EGF: variants seen among roughly 807,000 people sequenced by gnomAD.
EGF encodes pro-epidermal growth factor.
Under a neutral mutation model 143.8 loss-of-function variants are expected in EGF, and 95 were observed. The observed-to-expected ratio is 0.66, with a 90% CI of 0.56 to 0.78. The LOEUF (loss-of-function observed/expected upper bound fraction) is 0.78, where lower values mean the gene tolerates loss of function less well. Ranked by LOEUF, EGF falls within the 30% of genes least tolerant of loss-of-function variation. The probability of loss-of-function intolerance (pLI) is 0.00; values close to 1 mark genes in which losing one functional copy is unlikely to be tolerated. For synonymous variants in EGF, 510 were observed against 510.5 expected, an observed-to-expected ratio of 1.00 and a Z score of 0.01; for missense variants, 1,320 against 1,470.9, an observed-to-expected ratio of 0.90 and a Z score of 1.68.
chr4:109,997,608 C>T (rs191725792), intron 20 of EGF, among the ~76,000 whole-genome samples: 6 of 152,248 alleles, frequency 3.9e-5, no homozygotes, highest in Non-Finnish European at 7.4e-5. Context: ...ACTACAGGCA[C>T]CTGCCACCAT....
intron 16 of EGF, among the ~76,000 whole-genome samples, chr4:109,987,447 A>T (rs910421512): frequency 6.6e-6 from 1 of 152,020 alleles, no homozygotes; most frequent in African/African-American, 2.4e-5. Flanking sequence ...ACCAGTTTTC[A>T]GTAGAGACAG....
In EGF at chr4:109,976,128, T is replaced by C. The variant is rs1411459152; in HGVS notation, c.1946T>C (p.Ile649Thr). 4.3e-6 allele frequency: 7 copies of C among 1,614,196 alleles called. No individual in the cohort carries two copies. Among genetic ancestry groups the C allele is most frequent in the Non-Finnish European group, 5.1e-6 (6 of 1,180,010 alleles). Residue 649 changes from isoleucine (I) to threonine (T), a missense_variant, in exon 13 of 24, where the codon ATT becomes ACT. Coordinates refer to ENST00000265171, the MANE Select transcript of EGF (RefSeq NM_001963.6). Reference protein sequence around the residue: ...SDLIWPSGITIDFLTDKLYWC... With the variant: ...SDLIWPSGITTDFLTDKLYWC... ...CTAATCTGGCCCAGTGGAATAACGA[T>C]TGACTTCTTAACTGACAAGTTGTAC...
At position 109,999,833 on chromosome 4, in the gene EGF, G is replaced by A. The variant is rs1232482145; in HGVS notation, c.3160G>A (p.Ala1054Thr). ...VMLLLLSLWG[A>T]HYYRTQKLLS... is the part of the protein sequence containing the mutation. ...GCTGCTCCTCCTGAGCCTGTGGGGG[G>A]CCCACTACTACAGGTGACCCTGTCT... Residue 1054 changes from alanine (A) to threonine (T), a missense_variant, in exon 21 of 24, where the codon GCC becomes ACC. Around this residue, in one of 5 missense-constraint regions of EGF, gnomAD observed 1,186 missense variants for 1,313.7 expected, o/e 0.90. Transcript: ENST00000265171. The A allele has an allele frequency of 3.1e-6, 5 of 1,613,316 alleles. No homozygotes were observed. The African/African-American group carries it at 4.0e-5, about 13-fold the overall frequency.
At chr4:110,006,852 TGG>T (rs1753377797) in intron 22 of EGF, among the ~76,000 whole-genome samples, 1 of 152,178 alleles carries the variant, frequency 6.6e-6, no homozygotes, top group African/African-American at 2.4e-5. Flanking sequence ...TAGATATCAG[TGG>T]GAGTGGGAGA....
chr4:109,999,740 C>A lies in EGF; in HGVS notation c.3067C>A (p.Arg1023Ser). The change falls in exon 21 of 24, where the codon CGC (arginine) becomes AGC (serine). Residue 1023 changes from arginine to serine, a missense_variant. Transcript: ENST00000265171. ...CCGAGACCTGAAGTGGTGGGAACTG[C>A]GCCACGCTGGCCACGGGCAGCAGCA... ...QYRDLKWWEL[R>S]HAGHGQQQKV... 1 of 1,614,038 alleles carries A rather than the reference C, an allele frequency of 6.2e-7. No individual in the cohort carries two copies. Among genetic ancestry groups the A allele is most frequent in the Non-Finnish European group, 8.5e-7 (1 of 1,180,014 alleles).
intron 8 of EGF, 74 bp from the exon 9 acceptor site, chr4:109,963,099 C>A: frequency 2.0e-6 from 3 of 1,537,406 alleles, no homozygotes; most frequent in East Asian, 2.3e-5. Flanking sequence ...ATGGTTGACT[C>A]GCCCCCATCC....
In EGF at chr4:109,968,997, G is replaced by A. The variant is rs140682556; in HGVS notation, c.1602G>A (p.Lys534=). 4,175 of 1,614,154 alleles carry A rather than the reference G, an allele frequency of 2.6e-3. 8 individuals are homozygous for A. The highest frequency in any genetic ancestry group is 3.0e-3 in the Non-Finnish European group (3,567 of 1,179,998). ...NKIYFAHTAL[K]WIERANMDGS... ...TATACTTTGCCCATACAGCCCTGAA[G>A]TGGATAGAGAGAGCTAATATGGATG... Residue 534 remains lysine (K), a synonymous_variant, in exon 11 of 24, where the codon AAG becomes AAA. Transcript: ENST00000265171.
At chr4:109,973,674 C>G (rs1408638410) in intron 11 of EGF, among the ~76,000 whole-genome samples, 1 of 151,808 alleles carries the variant, frequency 6.6e-6, no homozygotes, top group Non-Finnish European at 1.5e-5. Context: ...CCTTTCTCTT[C>G]CCCTCCCACC....
At chr4:109,985,186 G>A (rs1749954527) in intron 16 of EGF, among the ~76,000 whole-genome samples, 1 of 152,192 alleles carries the variant, frequency 6.6e-6, no homozygotes, top group South Asian at 2.1e-4. Context: ...CTGGAGCCTA[G>A]TACAGAATAG....
At chr4:109,960,752 C>A in intron 6 of EGF, 115 bp from the exon 7 acceptor site, 1 of 1,190,642 alleles carries the variant, frequency 8.4e-7, no homozygotes, top group Non-Finnish European at 1.2e-6. Flanking sequence ...TTTCCATGAT[C>A]AATTACAGCA....
At chr4:109,927,846 T>TGA (rs1739002917) in intron 1 of EGF, among the ~76,000 whole-genome samples, 1 of 128,680 alleles carries the variant, frequency 7.8e-6, no homozygotes, top group African/African-American at 2.8e-5. Context: ...TGTGTGTGTG[T>TGA]GTGAAACATT....
At chr4:109,955,596 T>C (rs1215610351) in intron 5 of EGF, among the ~76,000 whole-genome samples, 1 of 152,198 alleles carries the variant, frequency 6.6e-6, no homozygotes, top group Non-Finnish European at 1.5e-5. Flanking sequence ...TAAGCATCAC[T>C]AAAAGCCATC....
At chr4:109,950,475 G>T (rs1483592887) in intron 5 of EGF, among the ~76,000 whole-genome samples, 1 of 152,074 alleles carries the variant, frequency 6.6e-6, no homozygotes, top group African/African-American at 2.4e-5. Flanking sequence ...TTTCTCTGCT[G>T]CAGGGAGCAT....
At chr4:109,918,307 G>T (rs1391439603) in intron 1 of EGF, among the ~76,000 whole-genome samples, 3 of 147,218 alleles carry the variant, frequency 2.0e-5, no homozygotes, top group African/African-American at 7.6e-5. Context: ...CATAGCGAAT[G>T]ACTTTTCTCA....
intron 6 of EGF, among the ~76,000 whole-genome samples, chr4:109,960,360 C>T (rs1360909722): frequency 2.0e-5 from 3 of 152,148 alleles, no homozygotes; most frequent in Non-Finnish European, 4.4e-5. Context: ...AAAGTATAAG[C>T]TGGGCCAGGC....
rs1287672175 is a variant in EGF, at chr4:109,941,025, G to T, written c.207G>T (p.Leu69Phe). 1 of 1,613,904 alleles carries T rather than the reference G, an allele frequency of 6.2e-7. No homozygotes were observed. ...CAGAAGGAACCAATTATGAGCAATTGGTGGTGGATGCTGGTGTCTCAGTGA... is the reference window on the plus strand; with the variant it reads ...CAGAAGGAACCAATTATGAGCAATTTGTGGTGGATGCTGGTGTCTCAGTGA... ...IDTEGTNYEQ[L>F]VVDAGVSVIM... Residue 69 changes from leucine to phenylalanine, a missense_variant, in exon 2 of 24, where the codon TTG (leucine) becomes TTT (phenylalanine). By Grantham distance (22) the Leu-to-Phe change is conservative (BLOSUM62 0). Transcript: ENST00000265171.
chr4:110,006,929 A>T (rs1753387698), intron 22 of EGF, among the ~76,000 whole-genome samples: 1 of 152,168 alleles, frequency 6.6e-6, no homozygotes, highest in Non-Finnish European at 1.5e-5. Flanking sequence ...TCCTTTCCCC[A>T]CCTCAGCCCA....
intron 5 of EGF, among the ~76,000 whole-genome samples, chr4:109,954,598 G>A (rs988640032): frequency 5.9e-5 from 9 of 152,036 alleles, no homozygotes; most frequent in Non-Finnish European, 1.5e-5. Flanking sequence ...AGGAAGTTGA[G>A]GCAGTCATTA....
chr4:109,974,118 A>T (rs1313585334), intron 11 of EGF, among the ~76,000 whole-genome samples: 1 of 152,244 alleles, frequency 6.6e-6, no homozygotes, highest in African/African-American at 2.4e-5. Context: ...TAAAGTGTAC[A>T]GGAGAATGTA....
Sources: gnomAD v4.1 joint callset for allele counts (sites outside exome capture counted in the v4.1 genomes callset) on GRCh38, gnomAD v4.1.1 for gene constraint, gnomAD v4.1.1 regional missense constraint, MANE v1.5 for transcripts, NCBI Gene and HGNC (gene_info 2026-07-23, HGNC 2026-07-21) for gene names.